Variants in NLGN1 observed in about 807,000 individuals in gnomAD.
The protein encoded by NLGN1 is neuroligin-1.
A neutral mutation model predicts 65.5 loss-of-function variants in NLGN1; 12 were observed. The ratio of observed to expected loss-of-function variants is 0.18; its 90% CI spans 0.12 to 0.30. The LOEUF is 0.30. Among genes scored for constraint, NLGN1 ranks in the 10% least tolerant of loss-of-function variants. NLGN1 has a pLI of 1.00. For synonymous variants in NLGN1, 350 were observed against 359.5 expected, an observed-to-expected ratio of 0.97 and a Z score of 0.30; for missense variants, 750 against 1,007.1, an observed-to-expected ratio of 0.74 and a Z score of 3.46.
chr3:173,915,151 C>T (rs1740476818), intron 4 of NLGN1, among the ~76,000 whole-genome samples: 1 of 152,212 alleles, frequency 6.6e-6, no homozygotes, highest in South Asian at 2.1e-4. Context: ...GACTCTATTT[C>T]ATGATTATGG....
chr3:173,410,396 G>A (rs1428942942), intron 1 of NLGN1, among the ~76,000 whole-genome samples: 1 of 152,186 alleles, frequency 6.6e-6, no homozygotes, highest in Non-Finnish European at 1.5e-5. Context: ...ATGGTGCTAG[G>A]CACAATGGAG....
Position 173,444,857 on chromosome 3 carries a change from TACTC to T in NLGN1, c.-321+9782_-321+9785del, listed in dbSNP as rs370243204. On this transcript the variant is annotated intron_variant, in intron 2 of 6. Transcript: ENST00000457714. ...GTGTGTTTGTATATATATACACACATACTCACACACATATATTACATTTTGTAGC... is the reference window on the plus strand; with the variant it reads ...GTGTGTTTGTATATATATACACACATACACACATATATTACATTTTGTAGC... Among the ~76,000 whole-genome samples, 24 of 152,210 alleles carry T rather than the reference TACTC, an allele frequency of 1.6e-4. 1 individual carries two copies. Among genetic ancestry groups the T allele is most frequent in the East Asian group, 7.7e-4 (4 of 5,174 alleles).
chr3:173,539,626 A>ATG (rs1738166624), intron 2 of NLGN1, among the ~76,000 whole-genome samples: 1 of 128,870 alleles, frequency 7.8e-6, no homozygotes, highest in Admixed American at 8.3e-5. Context: ...TTATATATTT[A>ATG]TATATACACA....
intron 3 of NLGN1, among the ~76,000 whole-genome samples, chr3:173,804,209 A>T (rs1277732532): frequency 2.0e-5 from 3 of 152,114 alleles, no homozygotes; most frequent in Non-Finnish European, 4.4e-5. Flanking sequence ...TGTGTTTAGT[A>T]AGGCTTAAAA....
intron 4 of NLGN1, among the ~76,000 whole-genome samples, chr3:174,212,049 T>C (rs1165708260): frequency 1.3e-5 from 2 of 152,128 alleles, no homozygotes; most frequent in Non-Finnish European, 2.9e-5. Context: ...AGGCTCGGGC[T>C]GCACAGGAAC....
intron 2 of NLGN1, among the ~76,000 whole-genome samples, chr3:173,572,630 C>G (rs896264964): frequency 6.6e-6 from 1 of 152,218 alleles, no homozygotes; most frequent in Non-Finnish European, 1.5e-5. Flanking sequence ...CTTCTAGTTA[C>G]ACCTTTCTCT....
chr3:173,990,484 A>G (rs1033673531), intron 4 of NLGN1, among the ~76,000 whole-genome samples: 4 of 152,194 alleles, frequency 2.6e-5, no homozygotes, highest in African/African-American at 4.8e-5. Flanking sequence ...TGCAAATTTT[A>G]TATTACTATA....
intron 4 of NLGN1, among the ~76,000 whole-genome samples, chr3:173,890,167 T>C (rs1329754865): frequency 6.6e-6 from 1 of 152,270 alleles, no homozygotes; most frequent in Admixed American, 6.5e-5. Context: ...TGCATTAACT[T>C]GGGTTGCAGG....
At chr3:173,899,922 T>C (rs1371110161) in intron 4 of NLGN1, among the ~76,000 whole-genome samples, 1 of 152,142 alleles carries the variant, frequency 6.6e-6, no homozygotes, top group Admixed American at 6.6e-5. Flanking sequence ...ATGTTAATTA[T>C]GAAACATGTA....
At chr3:173,936,005 T>A (rs1745013075) in intron 4 of NLGN1, among the ~76,000 whole-genome samples, 1 of 152,076 alleles carries the variant, frequency 6.6e-6, no homozygotes, top group East Asian at 1.9e-4. Context: ...GGATAATACC[T>A]CATGGAGAAT....
intron 2 of NLGN1, among the ~76,000 whole-genome samples, chr3:173,582,928 G>A (rs1746629414): frequency 6.6e-6 from 1 of 152,038 alleles, no homozygotes. Context: ...ATACATACAT[G>A]TGAAGTTGCA....
intron 4 of NLGN1, among the ~76,000 whole-genome samples, chr3:174,147,374 T>G (rs1356742338): frequency 4.0e-5 from 6 of 149,174 alleles, no homozygotes; most frequent in Non-Finnish European, 5.9e-5. Context: ...CTTCTGATCT[T>G]GCAAAGGGGA....
intron 4 of NLGN1, among the ~76,000 whole-genome samples, chr3:174,004,369 A>T (rs377234672): frequency 2.2e-4 from 34 of 151,966 alleles, no homozygotes; most frequent in Middle Eastern, 6.8e-3. Flanking sequence ...GTGTAGATTT[A>T]TAGTAGCTTG....
intron 2 of NLGN1, among the ~76,000 whole-genome samples, chr3:173,469,568 A>C (rs898652068): frequency 6.6e-6 from 1 of 152,018 alleles, no homozygotes; most frequent in African/African-American, 2.4e-5. Flanking sequence ...ATGGATGCTA[A>C]CTGACATTTG....
At chr3:173,706,728 A>G (rs1367121697) in intron 3 of NLGN1, among the ~76,000 whole-genome samples, 1 of 152,246 alleles carries the variant, frequency 6.6e-6, no homozygotes, top group Non-Finnish European at 1.5e-5. Flanking sequence ...ATATGAATAT[A>G]GATCATATAG....
intron 4 of NLGN1, among the ~76,000 whole-genome samples, chr3:174,228,230 A>G (rs926720520): frequency 6.6e-6 from 1 of 152,160 alleles, no homozygotes; most frequent in East Asian, 1.9e-4. Flanking sequence ...CAAATAAACA[A>G]CCTTGTTATT....
At chr3:173,691,734 A>G (rs959200603) in intron 3 of NLGN1, among the ~76,000 whole-genome samples, 6 of 152,096 alleles carry the variant, frequency 3.9e-5, no homozygotes, top group Admixed American at 2.6e-4. Context: ...GTTGGATTCT[A>G]TATGATACTG....
intron 2 of NLGN1, among the ~76,000 whole-genome samples, chr3:173,477,291 AC>A (rs1308509814): frequency 6.6e-6 from 1 of 152,138 alleles, no homozygotes; most frequent in Non-Finnish European, 1.5e-5. Flanking sequence ...CTGTAATCCC[AC>A]CGTTTTGGTA....
At chr3:173,845,819 T>A (rs1725675025) in intron 4 of NLGN1, among the ~76,000 whole-genome samples, 1 of 152,224 alleles carries the variant, frequency 6.6e-6, no homozygotes, top group Non-Finnish European at 1.5e-5. Flanking sequence ...CTTAGATTTT[T>A]TTCAATAATA....
Sources: allele counts gnomAD v4.1 joint callset (sites outside exome capture counted in the v4.1 genomes callset), GRCh38; gene constraint gnomAD v4.1.1; transcripts MANE v1.5; gene names NCBI Gene and HGNC (gene_info 2026-07-23, HGNC 2026-07-21).